The following ARL15 variants were observed in gnomAD, a reference collection of about 807,000 sequenced individuals.
ARL15 encodes ADP-ribosylation factor-like protein 15.
A neutral mutation model predicts 25.2 loss-of-function variants in ARL15; 19 were observed. The observed-to-expected ratio is 0.75, with a 90% CI of 0.53 to 1.10. The LOEUF is 1.10. Among genes scored for constraint, ARL15 ranks in the 50% least tolerant of loss-of-function variants. The pLI is 0.00. For synonymous variants in ARL15, 94 were observed against 86.8 expected (o/e 1.08, Z -0.46); for missense variants, 220 against 246.0 (o/e 0.89, Z 0.71).
chr5:54,215,204 T>G (rs571723610), intron 1 of ARL15, among the ~76,000 whole-genome samples: 20 of 152,240 alleles, frequency 1.3e-4, no homozygotes, highest in African/African-American at 4.6e-4. Context: ...TCAACAAGAC[T>G]TTTCTGTCTT....
intron 1 of ARL15, among the ~76,000 whole-genome samples, chr5:54,294,804 G>A (rs565921128): frequency 1.3e-5 from 2 of 152,328 alleles, no homozygotes; most frequent in African/African-American, 4.8e-5. Context: ...ACTGCTTATT[G>A]TCTTAATATC....
chr5:54,161,682 A>G lies in ARL15; in HGVS notation c.194-7043T>C, dbSNP rs553340297. ...TGTAAGTGTGGTTGAATTCTCTAAGAGGGACAGCCATATGCTTATCTGTAA... is the reference window on the plus strand; with the variant it reads ...TGTAAGTGTGGTTGAATTCTCTAAGGGGGACAGCCATATGCTTATCTGTAA... On this transcript the variant is annotated intron_variant, in intron 2 of 4. Transcript: ENST00000504924. Among the ~76,000 whole-genome samples, 15 of 152,284 alleles carry G rather than the reference A, an allele frequency of 9.9e-5. No homozygotes were observed. The South Asian group carries it at 3.1e-3, about 32-fold the overall frequency.
At chr5:54,239,491 C>T (rs1187070932) in intron 1 of ARL15, among the ~76,000 whole-genome samples, 3 of 152,142 alleles carry the variant, frequency 2.0e-5, no homozygotes, top group African/African-American at 7.2e-5. Context: ...GAGTCTGTGT[C>T]CCTGTAGAAG....
chr5:54,135,404 G>A (rs558468978), intron 3 of ARL15, among the ~76,000 whole-genome samples: 5 of 152,302 alleles, frequency 3.3e-5, no homozygotes, highest in African/African-American at 1.2e-4. Context: ...AAGGAGGATC[G>A]TGATAGACCT....
intron 4 of ARL15, among the ~76,000 whole-genome samples, chr5:53,951,176 T>C (rs910274504): frequency 8.5e-5 from 13 of 152,214 alleles, no homozygotes; most frequent in African/African-American, 3.1e-4. Flanking sequence ...CTATTGCAGC[T>C]GGGTATGGGA....
At chr5:54,103,095 G>A (rs959535022) in intron 4 of ARL15, among the ~76,000 whole-genome samples, 1 of 152,130 alleles carries the variant, frequency 6.6e-6, no homozygotes, top group Non-Finnish European at 1.5e-5. Context: ...TAAGATATAA[G>A]CCTAAATAAA....
At position 54,255,866 on chromosome 5, in the gene ARL15, G is replaced by T. The variant is rs546222734; in HGVS notation, c.48+54566C>A. On this transcript the variant is annotated intron_variant, in intron 1 of 4. Transcript: ENST00000504924. ...TGGAAATTTTAAAATTCTTCAAGAT[G>T]AATGATAATAATGACACAAGTTTTC... Among the ~76,000 whole-genome samples, 5 of 152,236 alleles carry T rather than the reference G, an allele frequency of 3.3e-5. No homozygotes were observed. The East Asian group carries it at 9.6e-4, about 29-fold the overall frequency.
At position 53,925,077 on chromosome 5, in the gene ARL15, A is replaced by G. The variant is rs1415386769; in HGVS notation, c.463-38364T>C. 1.3e-5 allele frequency among the ~76,000 whole-genome samples: 2 copies of G among 152,152 alleles called. 1 individual carries two copies. Among genetic ancestry groups the G allele is most frequent in the Admixed American group, 1.3e-4 (2 of 15,290 alleles). On this transcript the variant is annotated intron_variant, in intron 4 of 4. Coordinates refer to ENST00000504924, the MANE Select transcript of ARL15 (RefSeq NM_019087.3). ...GCTTCAATTTTCAACATTAAAAAAAAAATTCTTCATTTGTCCTATATTGCA... is the reference window on the plus strand; with the variant it reads ...GCTTCAATTTTCAACATTAAAAAAAGAATTCTTCATTTGTCCTATATTGCA...
chr5:53,987,739 C>T (rs751246556), intron 4 of ARL15, among the ~76,000 whole-genome samples: 2 of 151,946 alleles, frequency 1.3e-5, no homozygotes, highest in Admixed American at 6.6e-5. Context: ...TCACTTGAGC[C>T]TAGGAGCTCA....
At chr5:54,034,352 C>T (rs917111050) in intron 4 of ARL15, among the ~76,000 whole-genome samples, 11 of 152,198 alleles carry the variant, frequency 7.2e-5, no homozygotes, top group African/African-American at 2.6e-4. Flanking sequence ...AAAATAATAC[C>T]CATACTATGG....
chr5:54,287,176 G>T lies in ARL15; in HGVS notation c.48+23256C>A, dbSNP rs1411792211. Among the ~76,000 whole-genome samples, 3 of 152,038 alleles carry T rather than the reference G, an allele frequency of 2.0e-5. No homozygotes were observed. In the East Asian group the frequency reaches 5.8e-4, roughly 29 times the overall value. On this transcript the variant is annotated intron_variant, in intron 1 of 4. Transcript: ENST00000504924. ...ATTGCAGGAATGAGCCACTGTACCT[G>T]GCCCAGAGCATCCTTAATGTGGCAA... is the stretch of plus-strand genomic sequence containing the variant.
chr5:54,212,906 C>G (rs1420318740), intron 1 of ARL15, among the ~76,000 whole-genome samples: 1 of 152,166 alleles, frequency 6.6e-6, no homozygotes, highest in Non-Finnish European at 1.5e-5. Context: ...AGCCAAAACA[C>G]TTAACCTACC....
chr5:53,969,210 G>A (rs545845766), intron 4 of ARL15, among the ~76,000 whole-genome samples: 97 of 152,238 alleles, frequency 6.4e-4, no homozygotes, highest in South Asian at 3.3e-3. Flanking sequence ...AGTGTCTTTA[G>A]TAACTATATA....
intron 4 of ARL15, among the ~76,000 whole-genome samples, chr5:53,971,293 G>A (rs1393962968): frequency 1.3e-5 from 2 of 152,126 alleles, no homozygotes; most frequent in African/African-American, 4.8e-5. Context: ...TGGAAAAGAT[G>A]TTGATTCTCC....
At chr5:54,176,725 A>T (rs1380097149) in intron 1 of ARL15, among the ~76,000 whole-genome samples, 1 of 152,196 alleles carries the variant, frequency 6.6e-6, no homozygotes, top group Non-Finnish European at 1.5e-5. Flanking sequence ...AACCAGTAAC[A>T]TTTTAACACT....
intron 4 of ARL15, among the ~76,000 whole-genome samples, chr5:53,906,694 T>G (rs2111960761): frequency 6.6e-6 from 1 of 152,346 alleles, no homozygotes; most frequent in South Asian, 2.1e-4. Flanking sequence ...AAGGCTGAAT[T>G]TGCAATGGCT....
intron 1 of ARL15, among the ~76,000 whole-genome samples, chr5:54,281,581 T>TATCACCACC (rs1432356029): frequency 6.6e-6 from 1 of 152,214 alleles, no homozygotes; most frequent in African/African-American, 2.4e-5. Context: ...GACAGTAGCA[T>TATCACCACC]ATCACCACCA....
chr5:54,265,544 T>C (rs761342825), intron 1 of ARL15, among the ~76,000 whole-genome samples: 2 of 152,212 alleles, frequency 1.3e-5, no homozygotes, highest in Non-Finnish European at 2.9e-5. Flanking sequence ...GAATGTATCA[T>C]AGTGATTCTT....
intron 4 of ARL15, among the ~76,000 whole-genome samples, chr5:54,009,231 G>A (rs1749151693): frequency 2.6e-5 from 4 of 152,214 alleles, no homozygotes; most frequent in South Asian, 4.2e-4. Context: ...AGTTGCTTTC[G>A]ACTTTTTAAT....
Sources: allele counts gnomAD v4.1 joint callset (sites outside exome capture counted in the v4.1 genomes callset), GRCh38; gene constraint gnomAD v4.1.1; transcripts MANE v1.5; gene names NCBI Gene and HGNC (gene_info 2026-07-23, HGNC 2026-07-21).